TAF13: variants seen among roughly 807,000 people sequenced by gnomAD.
TAF13 encodes TATA-box binding protein associated factor 13, also known as transcription initiation factor TFIID subunit 13.
TAF13 carries 9 observed loss-of-function variants against 18.7 expected under a neutral mutation model. The ratio of observed to expected loss-of-function variants is 0.48; its 90% confidence interval spans 0.29 to 0.84. The LOEUF (loss-of-function observed/expected upper bound fraction) is 0.84, where lower values mean the gene tolerates loss of function less well. TAF13 is among the 40% of genes least tolerant of loss of function. The probability of loss-of-function intolerance (pLI) is 0.08; values close to 1 mark genes in which losing one functional copy is unlikely to be tolerated. For synonymous variants in TAF13, 49 were observed against 44.1 expected (o/e 1.11, Z -0.44); for missense variants, 105 against 146.5 (o/e 0.72, Z 1.46).
At chr1:109,073,738 G>A (rs1440354142) in intron 2 of TAF13, among the ~76,000 whole-genome samples, 1 of 152,218 alleles carries the variant, frequency 6.6e-6, no homozygotes, top group African/African-American at 2.4e-5. Context: ...CCAGCTGCCT[G>A]CCTTGGCCTC....
intron 2 of TAF13, 83 bp downstream of exon 2, chr1:109,074,904 T>C: frequency 9.6e-7 from 1 of 1,037,940 alleles, no homozygotes. Context: ...CAGGGAAACA[T>C]TCAAAGCAAT....
chr1:109,067,602 T>C (rs1328333736), intron 2 of TAF13, among the ~76,000 whole-genome samples: 1 of 152,092 alleles, frequency 6.6e-6, no homozygotes, highest in Admixed American at 6.6e-5. Context: ...AGAGGGAGGC[T>C]GTGTCTCAAA....
intron 3 of TAF13, among the ~76,000 whole-genome samples, chr1:109,065,256 G>A (rs1185157125): frequency 6.6e-6 from 1 of 152,180 alleles, no homozygotes; most frequent in African/African-American, 2.4e-5. Context: ...TTGGGAGGCT[G>A]AGGGGGTAGA....
intron 1 of TAF13, 29 bp downstream of exon 1, chr1:109,075,892 A>G (rs368489486): frequency 6.2e-7 from 1 of 1,614,076 alleles, no homozygotes; most frequent in Non-Finnish European, 8.5e-7. Flanking sequence ...TGAAGAAAAG[A>G]CAGGTTTTGG....
intron 2 of TAF13, among the ~76,000 whole-genome samples, chr1:109,066,477 T>C (rs1375080703): frequency 2.6e-5 from 4 of 152,090 alleles, no homozygotes; most frequent in Non-Finnish European, 5.9e-5. Flanking sequence ...AACCCTAAGG[T>C]AAACAGTCTT....
At chr1:109,065,933 AAAAC>A (rs1301807351) in intron 3 of TAF13, among the ~76,000 whole-genome samples, 198 bp downstream of exon 3, 98 of 152,188 alleles carry the variant, frequency 6.4e-4, no homozygotes, top group Non-Finnish European at 1.1e-3. Context: ...AAAAAAAAAA[AAAAC>A]AAAAGGAAGA....
intron 2 of TAF13, among the ~76,000 whole-genome samples, chr1:109,072,051 C>T (rs181041158): frequency 6.3e-4 from 3 of 4,738 alleles, no homozygotes; most frequent in African/African-American, 1.4e-3. Context: ...TATACACACA[C>T]ATATATATAT....
chr1:109,073,462 T>G (rs987524346), intron 2 of TAF13, among the ~76,000 whole-genome samples: 1 of 152,186 alleles, frequency 6.6e-6, no homozygotes, highest in Non-Finnish European at 1.5e-5. Context: ...GAGGCTGGAC[T>G]GTACTGCAGC....
rs13302922 is a variant in TAF13, at chr1:109,065,814, C to T, written c.204+321G>A. On this transcript the variant is annotated intron_variant, in intron 3 of 3. Transcript: ENST00000338366. ...ATGCATGCCTGTAATCCCAGCTCCTCGGAGGCTGAGGCAGGAGAATCCCTT... is the reference window on the plus strand; with the variant it reads ...ATGCATGCCTGTAATCCCAGCTCCTTGGAGGCTGAGGCAGGAGAATCCCTT... Among the ~76,000 whole-genome samples the T allele has an allele frequency of 3.3e-5, 5 of 151,018 alleles. No homozygotes were observed. The South Asian group carries it at 6.3e-4, about 19-fold the overall frequency.
intron 2 of TAF13, among the ~76,000 whole-genome samples, chr1:109,071,541 T>G (rs1023820269): frequency 6.6e-6 from 1 of 151,572 alleles, no homozygotes. Flanking sequence ...CACCAAGAGT[T>G]AAAGGTTGCA....
chr1:109,073,069 C>G lies in TAF13; in HGVS notation c.106+1918G>C, dbSNP rs892854112. On this transcript the variant is annotated intron_variant, in intron 2 of 3. Coordinates refer to ENST00000338366, the MANE Select transcript of TAF13 (RefSeq NM_005645.4). ...TCTTACTTTGTTCAGGGCCTTAGTC[C>G]AAAGCCCAAGCCCCAACTCACTTGC... Among the ~76,000 whole-genome samples, 16 of 151,812 alleles carry G rather than the reference C, an allele frequency of 1.1e-4. 1 individual carries two copies. The highest frequency in any genetic ancestry group is 3.9e-4 in the African/African-American group (16 of 41,340).
At chr1:109,073,517 C>G (rs548506769) in intron 2 of TAF13, among the ~76,000 whole-genome samples, 1 of 152,322 alleles carries the variant, frequency 6.6e-6, no homozygotes, top group Non-Finnish European at 1.5e-5. Flanking sequence ...CAGGCGTGCG[C>G]CGCCACGCCT....
In TAF13 at chr1:109,075,936, C is replaced by T; in HGVS notation, c.12G>A (p.Glu4=). ...GGTCACTCACCGTGGGGTCTTCTTC[C>T]TCATCTGCCATCCCACTAGCACGCC... MAD[E]EEDPTFEEEN... Residue 4 remains glutamate (E), a synonymous_variant, in exon 1 of 4, where the codon GAG becomes GAA. Transcript: ENST00000338366. 4 of 1,614,230 alleles carry T rather than the reference C, an allele frequency of 2.5e-6. No homozygotes were observed. Among genetic ancestry groups the T allele is most frequent in the Middle Eastern group, 1.6e-4 (1 of 6,062 alleles).
At chr1:109,069,885 T>C (rs997714039) in intron 2 of TAF13, among the ~76,000 whole-genome samples, 2 of 152,154 alleles carry the variant, frequency 1.3e-5, no homozygotes, top group Non-Finnish European at 2.9e-5. Context: ...CAATAGTTCC[T>C]ATCGTTCTGT....
chr1:109,070,846 G>A (rs918777582), intron 2 of TAF13, among the ~76,000 whole-genome samples: 12 of 152,172 alleles, frequency 7.9e-5, no homozygotes, highest in Non-Finnish European at 1.3e-4. Flanking sequence ...GCTAACAACC[G>A]ACTGAACATC....
At chr1:109,073,383 C>CA (rs1006241031) in intron 2 of TAF13, among the ~76,000 whole-genome samples, 4 of 151,760 alleles carry the variant, frequency 2.6e-5, no homozygotes, top group African/African-American at 9.7e-5. Flanking sequence ...ACAAAAAATA[C>CA]AAAAAAAGCT....
intron 2 of TAF13, among the ~76,000 whole-genome samples, chr1:109,074,090 A>G (rs1664135406): frequency 6.6e-6 from 1 of 152,236 alleles, no homozygotes; most frequent in Non-Finnish European, 1.5e-5. Context: ...CCAACAGTTC[A>G]TTGAGAACGG....
intron 2 of TAF13, among the ~76,000 whole-genome samples, chr1:109,073,947 G>A (rs1395381213): frequency 1.3e-5 from 2 of 151,258 alleles, no homozygotes; most frequent in East Asian, 1.9e-4. Flanking sequence ...CCGCCACCCC[G>A]TCTGGGAGGT....
At position 109,074,969 on chromosome 1, in the gene TAF13, T is replaced by G; in HGVS notation, c.106+18A>C. 2 of 1,574,718 alleles carry G rather than the reference T, an allele frequency of 1.3e-6. No homozygotes were observed. The highest frequency in any genetic ancestry group is 1.7e-6 in the Non-Finnish European group (2 of 1,163,130). ...GTTTTCATCATCTATAACAAAATCA[T>G]TGTCAAATACTACTTACATTCTTTA... On this transcript the variant is annotated intron_variant, in intron 2 of 3. Coordinates refer to ENST00000338366, the MANE Select transcript of TAF13 (RefSeq NM_005645.4).
Sources: allele counts gnomAD v4.1 joint callset (sites outside exome capture counted in the v4.1 genomes callset), GRCh38; gene constraint gnomAD v4.1.1; transcripts MANE v1.5; gene names NCBI Gene and HGNC (gene_info 2026-07-23, HGNC 2026-07-21).